Variants in PCDH1 observed in about 807,000 individuals in gnomAD.
PCDH1 encodes protocadherin 1.
Under a neutral mutation model 74.6 loss-of-function variants are expected in PCDH1, and 23 were observed. The observed-to-expected ratio is 0.31, with a 90% CI of 0.22 to 0.44. PCDH1 has a LOEUF of 0.44. PCDH1 is among the 20% of genes least tolerant of loss of function. PCDH1 has a pLI of 1.00. For missense variants in PCDH1, 1,214 were observed against 1,641.4 expected (o/e 0.74, Z 4.50); for synonymous variants, 647 against 686.1 (o/e 0.94, Z 0.89).
intron 1 of PCDH1, among the ~76,000 whole-genome samples, chr5:141,874,905 A>C (rs1189262358): frequency 6.6e-6 from 1 of 151,966 alleles, no homozygotes; most frequent in Non-Finnish European, 1.5e-5. Context: ...ACAGAGAGCA[A>C]GTGTGCAGAC....
chr5:141,858,585 C>T (rs951670567), intron 3 of PCDH1, among the ~76,000 whole-genome samples: 1 of 152,162 alleles, frequency 6.6e-6, no homozygotes, highest in Non-Finnish European at 1.5e-5. Flanking sequence ...CACAGGTTAA[C>T]GATCAGCCCT....
intron 1 of PCDH1, among the ~76,000 whole-genome samples, chr5:141,877,515 C>T (rs1014291527): frequency 6.6e-6 from 1 of 152,108 alleles, no homozygotes; most frequent in Admixed American, 6.5e-5. Context: ...GGCTGTGACA[C>T]TCGTACATGA....
chr5:141,866,350 T>A, intron 2 of PCDH1: 1 of 501,216 alleles, frequency 2.0e-6, no homozygotes, highest in Non-Finnish European at 2.6e-6. Flanking sequence ...GAACTGTCTG[T>A]CCCTCTGCAG....
At chr5:141,875,001 G>T (rs551551477) in intron 1 of PCDH1, among the ~76,000 whole-genome samples, 1 of 152,180 alleles carries the variant, frequency 6.6e-6, no homozygotes, top group South Asian at 2.1e-4. Flanking sequence ...GTTGGGGTTA[G>T]AACCCTCGCT....
At position 141,869,321 on chromosome 5, in the gene PCDH1, C is replaced by G; in HGVS notation, c.151G>C (p.Ala51Pro). The G allele has an allele frequency of 6.3e-7, 1 of 1,599,360 alleles. No individual in the cohort carries two copies. The highest frequency in any genetic ancestry group is 8.5e-7 in the Non-Finnish European group (1 of 1,173,788). The part of the protein sequence containing the change: ...SMLLALLLLL[A>P]PSPGHATRVV... The stretch of plus-strand genomic sequence containing the variant: ...CGAGTGGCGTGGCCTGGGGATGGAG[C>G]CAGCAGGAGCAGCAGTGCTAGCAGC... Residue 51 changes from alanine (A) to proline (P), a missense_variant, in exon 2 of 5, where the codon GCT becomes CCT. Physicochemically the swap from Ala to Pro is conservative, Grantham distance 27. Coordinates refer to ENST00000287008, the MANE Select transcript of PCDH1 (RefSeq NM_032420.5). The surrounding 1 kb of genome is among the most constrained non-coding windows in gnomAD (Gnocchi z 4.9).
rs778027039 is a variant in PCDH1, at chr5:141,869,251, A to G, written c.221T>C (p.Ile74Thr). ...ACCATAGTCGGCTGCGAGGCTCCCA[A>G]TGAGGGTGTTGGGTGGCTGTTCCTC... Reference protein sequence around the residue: ...VPEEQPPNTLIGSLAADYGFP... With the variant: ...VPEEQPPNTLTGSLAADYGFP... Residue 74 changes from isoleucine to threonine, a missense_variant, in exon 2 of 5, where the codon ATT becomes ACT. This residue lies in a region of PCDH1 where 97 missense variants were observed against 173.2 expected (regional missense o/e 0.56). Coordinates refer to ENST00000287008, the MANE Select transcript of PCDH1 (RefSeq NM_032420.5). The surrounding 1 kb of genome is among the most constrained non-coding windows in gnomAD (Gnocchi z 4.9). 4.3e-6 allele frequency: 7 copies of G among 1,612,930 alleles called. No individual in the cohort carries two copies. The highest frequency in any genetic ancestry group is 5.9e-6 in the Non-Finnish European group (7 of 1,179,560).
chr5:141,863,479 C>G lies in PCDH1; in HGVS notation c.2852G>C (p.Arg951Pro). ...TGGGTAGTTGAGGGGCAGGTGGATGCGGGGACTGTCCCCAGGGGCATCGCT... is the reference window on the plus strand; with the variant it reads ...TGGGTAGTTGAGGGGCAGGTGGATGGGGGGACTGTCCCCAGGGGCATCGCT... ...LMSDAPGDSP[R>P]IHLPLNYPPG... The change falls in exon 3 of 5, where the codon CGC becomes CCC. Residue 951 changes from arginine (R) to proline (P), a missense_variant. By Grantham distance (103) the Arg-to-Pro change is moderately radical (BLOSUM62 -2). This residue lies in a region of PCDH1 where 836 missense variants were observed against 1,182.2 expected (regional missense o/e 0.71). Coordinates refer to ENST00000287008, the MANE Select transcript of PCDH1 (RefSeq NM_032420.5). The surrounding 1 kb of genome is among the most constrained non-coding windows in gnomAD (Gnocchi z 7.5). 1 of 1,597,812 alleles carries G rather than the reference C, an allele frequency of 6.3e-7. No individual in the cohort carries two copies. The highest frequency in any genetic ancestry group is 8.5e-7 in the Non-Finnish European group (1 of 1,171,622).
At position 141,872,557 on chromosome 5, in the gene PCDH1, G is replaced by T. The variant is rs539272033; in HGVS notation, c.41-3126C>A. 3.9e-5 allele frequency among the ~76,000 whole-genome samples: 6 copies of T among 152,280 alleles called. No homozygotes were observed. In the East Asian group the frequency reaches 1.2e-3, roughly 29 times the overall value. ...CAGGGGGCCATGATCTGGCAGTCAG[G>T]GCGAATGATGTGTGGCCACTCCAAG... On this transcript the variant is annotated intron_variant, in intron 1 of 4. Coordinates refer to ENST00000287008, the MANE Select transcript of PCDH1 (RefSeq NM_032420.5).
chr5:141,864,926 C>T lies in PCDH1; in HGVS notation c.1405G>A (p.Val469Ile). The change falls in exon 3 of 5, where the codon GTC becomes ATC. Residue 469 changes from valine to isoleucine, a missense_variant. Physicochemically the swap from Val to Ile is conservative, Grantham distance 29. Coordinates refer to ENST00000287008, the MANE Select transcript of PCDH1 (RefSeq NM_032420.5). This position sits in a 1 kb window ranked among gnomAD's most constrained non-coding sequence, Gnocchi z 5.9. ...QTTTPLDYEK[V>I]KDYTIEIVAV... ...ACAATCTCAATGGTGTAGTCTTTGACCTTCTCGTAGTCTAGCGGGGTGGTA... is the reference window on the plus strand; with the variant it reads ...ACAATCTCAATGGTGTAGTCTTTGATCTTCTCGTAGTCTAGCGGGGTGGTA... The T allele has an allele frequency of 6.2e-7, 1 of 1,614,130 alleles. No individual in the cohort carries two copies. The highest frequency in any genetic ancestry group is 8.5e-7 in the Non-Finnish European group (1 of 1,180,020).
intron 4 of PCDH1, chr5:141,856,266 C>T (rs1298377561): frequency 9.8e-6 from 15 of 1,529,304 alleles, no homozygotes; most frequent in East Asian, 4.9e-5. Flanking sequence ...GCCGGCTCTG[C>T]GCGGGCACAA....
chr5:141,855,455 AATTG>A (rs1212969700), intron 4 of PCDH1, among the ~76,000 whole-genome samples: 2 of 152,054 alleles, frequency 1.3e-5, no homozygotes, highest in African/African-American at 4.8e-5. Context: ...ATCCTCATTG[AATTG>A]ATTGACACAA....
At position 141,869,118 on chromosome 5, in the gene PCDH1, C is replaced by G; in HGVS notation, c.354G>C (p.Glu118Asp). ...GCTGGTTCTGGCATTCACGGAGCCCCTCACGGTCGATGGAGGTCTCGGTGG... is the reference window on the plus strand; with the variant it reads ...GCTGGTTCTGGCATTCACGGAGCCCGTCACGGTCGATGGAGGTCTCGGTGG... ...IFTTETSIDR[E>D]GLRECQNQLP... The change falls in exon 2 of 5, where the codon GAG (glutamate) becomes GAC (aspartate). Residue 118 changes from glutamate (E) to aspartate (D), a missense_variant. This residue lies in a region of PCDH1 where 97 missense variants were observed against 173.2 expected (regional missense o/e 0.56). Coordinates refer to ENST00000287008, the MANE Select transcript of PCDH1 (RefSeq NM_032420.5). This position sits in a 1 kb window ranked among gnomAD's most constrained non-coding sequence, Gnocchi z 4.9. 6.2e-7 allele frequency: 1 copy of G among 1,613,956 alleles called. No individual in the cohort carries two copies. The highest frequency in any genetic ancestry group is 1.1e-5 in the South Asian group (1 of 91,066).
intron 1 of PCDH1, among the ~76,000 whole-genome samples, chr5:141,874,672 G>A (rs1260822105): frequency 6.6e-6 from 1 of 152,162 alleles, no homozygotes; most frequent in Non-Finnish European, 1.5e-5. Flanking sequence ...CCACCCCGGG[G>A]ACCAAGGTCC....
At chr5:141,866,633 ACTATGTGAC>A (rs1363116142) in intron 2 of PCDH1, among the ~76,000 whole-genome samples, 3 of 152,200 alleles carry the variant, frequency 2.0e-5, no homozygotes, top group Non-Finnish European at 1.5e-5. Flanking sequence ...TTCCCAAGTA[ACTATGTGAC>A]CTTGGGCCAA....
intron 4 of PCDH1, 63 bp downstream of exon 4, chr5:141,857,189 T>G: frequency 7.3e-7 from 1 of 1,365,386 alleles, no homozygotes; most frequent in South Asian, 1.4e-5. Flanking sequence ...GTTTAAGGCC[T>G]TGTCACCATT....
At chr5:141,870,753 C>A (rs1753073214) in intron 1 of PCDH1, among the ~76,000 whole-genome samples, 1 of 152,174 alleles carries the variant, frequency 6.6e-6, no homozygotes, top group Admixed American at 6.5e-5. Context: ...CAGCTACTGT[C>A]TCTGTCTTGA....
At chr5:141,873,137 T>C (rs796929848) in intron 1 of PCDH1, among the ~76,000 whole-genome samples, 6 of 152,158 alleles carry the variant, frequency 3.9e-5, no homozygotes, top group African/African-American at 1.4e-4. Context: ...AAACTCTTTT[T>C]TTTTTTTGAG....
In PCDH1 at chr5:141,863,887, GTC is replaced by G; in HGVS notation, c.2442_2443del (p.Glu814AspfsTer23). The G allele has an allele frequency of 6.2e-7, 1 of 1,614,176 alleles. No homozygotes were observed. Among genetic ancestry groups the G allele is most frequent in the South Asian group, 1.1e-5 (1 of 91,086 alleles). ...CTCCAGCAGCGTGCGGTTGGCCAGA[GTC>G]TCATTGACATAAAGATGGACCAAGG... On this transcript the variant is annotated frameshift_variant, in exon 3 of 5. Coordinates refer to ENST00000287008, the MANE Select transcript of PCDH1 (RefSeq NM_032420.5). LOFTEE classifies it high-confidence loss of function. The surrounding 1 kb of genome is among the most constrained non-coding windows in gnomAD (Gnocchi z 7.5).
At chr5:141,862,403 A>AG (rs1752601352) in intron 3 of PCDH1, among the ~76,000 whole-genome samples, 1 of 152,118 alleles carries the variant, frequency 6.6e-6, no homozygotes, top group Non-Finnish European at 1.5e-5. Context: ...ACATGGGGCA[A>AG]GGGGACACAT....
Sources: gnomAD v4.1 joint callset for allele counts (sites outside exome capture counted in the v4.1 genomes callset) on GRCh38, gnomAD v4.1.1 for gene constraint, gnomAD v4.1.1 regional missense constraint, Gnocchi (gnomAD v3.1) non-coding constraint, MANE v1.5 for transcripts, NCBI Gene and HGNC (gene_info 2026-07-23, HGNC 2026-07-21) for gene names.